Variants in C12orf42 observed in about 807,000 individuals in gnomAD.
The protein encoded by C12orf42 is chromosome 12 open reading frame 42.
C12orf42 carries 25 observed loss-of-function variants against 21.6 expected under a neutral mutation model. The ratio of observed to expected loss-of-function variants is 1.16; its 90% confidence interval spans 0.84 to 1.62. The LOEUF (loss-of-function observed/expected upper bound fraction) is 1.62, where lower values mean the gene tolerates loss of function less well. Ranked by LOEUF, C12orf42 falls within the 40% of genes most tolerant of loss-of-function variation. The pLI, the probability that C12orf42 is intolerant of heterozygous loss-of-function variation, is 0.00. For synonymous variants in C12orf42, 174 were observed against 175.0 expected, an observed-to-expected ratio of 0.99 and a Z score of 0.05; for missense variants, 483 against 459.3, an observed-to-expected ratio of 1.05 and a Z score of -0.47.
the C12orf42 span, among the ~76,000 whole-genome samples, chr12:103,215,202 A>G: frequency 6.6e-6 from 1 of 152,136 alleles, no homozygotes; most frequent in African/African-American, 2.4e-5. Flanking sequence ...GTTTTATTAT[A>G]TTAATACTAA....
chr12:103,498,901 G>A (rs961503015), upstream of C12orf42, among the ~76,000 whole-genome samples: 2 of 151,962 alleles, frequency 1.3e-5, no homozygotes, highest in Non-Finnish European at 2.9e-5. Flanking sequence ...GAGGGCATTA[G>A]GAAAAATAGC....
the C12orf42 span, among the ~76,000 whole-genome samples, chr12:103,522,140 G>A: frequency 3.2e-4 from 48 of 152,074 alleles, no homozygotes; most frequent in African/African-American, 4.8e-4. Context: ...TTGAATCATG[G>A]GGGCTGTTTC....
At chr12:103,264,467 T>G (rs1234285547), downstream of C12orf42, among the ~76,000 whole-genome samples, 2 of 152,246 alleles carry the variant, frequency 1.3e-5, no homozygotes, top group East Asian at 1.9e-4. Flanking sequence ...AAGACCCCTA[T>G]GGACCTTGGC....
intron 3 of C12orf42, among the ~76,000 whole-genome samples, chr12:103,375,750 G>A (rs2045638138): frequency 6.6e-6 from 1 of 152,070 alleles, no homozygotes; most frequent in South Asian, 2.1e-4. Flanking sequence ...CCTTTCTTCT[G>A]CTTTCATTTT....
the C12orf42 span, among the ~76,000 whole-genome samples, chr12:103,516,029 AC>A: frequency 1.3e-5 from 2 of 152,198 alleles, no homozygotes; most frequent in Non-Finnish European, 2.9e-5. Flanking sequence ...TATAGATAGT[AC>A]TTGGAAGTTT....
chr12:103,479,679 C>A (rs908634859), intron 1 of C12orf42, among the ~76,000 whole-genome samples: 1 of 151,900 alleles, frequency 6.6e-6, no homozygotes, highest in African/African-American at 2.4e-5. Flanking sequence ...TTAACTATCT[C>A]CTCTGCAGCT....
At chr12:103,173,342 A>G in the C12orf42 span, among the ~76,000 whole-genome samples, 6 of 152,126 alleles carry the variant, frequency 3.9e-5, no homozygotes, top group Non-Finnish European at 7.4e-5. Context: ...TGAACACCCA[A>G]TTCCCTATTT....
intron 3 of C12orf42, 68 bp downstream of exon 3, chr12:103,401,539 G>C: frequency 2.3e-6 from 3 of 1,316,802 alleles, no homozygotes; most frequent in Non-Finnish European, 3.2e-6. Context: ...CTGCTTACAT[G>C]TAAAGCAACT....
the C12orf42 span, chr12:103,559,680 G>T: frequency 6.6e-6 from 1 of 152,192 alleles, no homozygotes; most frequent in African/African-American, 2.4e-5. Context: ...GTGACACTAG[G>T]TGTCCACATT....
the C12orf42 span, chr12:103,167,908 G>C: frequency 1.8e-5 from 5 of 271,482 alleles, no homozygotes; most frequent in African/African-American, 1.4e-4. Context: ...GTGTGTGTGT[G>C]TGTGTTTGTG....
downstream of C12orf42, among the ~76,000 whole-genome samples, chr12:103,234,369 A>G (rs2033404799): frequency 6.6e-6 from 1 of 152,100 alleles, no homozygotes. Flanking sequence ...TGTGATTGTT[A>G]TTCTAAAGAG....
chr12:103,061,853 T>A, the C12orf42 span, among the ~76,000 whole-genome samples: 1 of 152,012 alleles, frequency 6.6e-6, no homozygotes, highest in East Asian at 1.9e-4. Context: ...TATTTACTTA[T>A]ATTGTTGATT....
the C12orf42 span, among the ~76,000 whole-genome samples, chr12:103,225,737 T>A: frequency 2.0e-5 from 3 of 152,134 alleles, no homozygotes; most frequent in Non-Finnish European, 4.4e-5. Context: ...TGGGGAGTTT[T>A]AAGAGGTTTA....
intron 1 of C12orf42, among the ~76,000 whole-genome samples, chr12:103,487,737 G>A (rs1954930041): frequency 1.3e-5 from 2 of 152,004 alleles, no homozygotes; most frequent in African/African-American, 4.8e-5. Context: ...TTTGATCTTT[G>A]TTGGTTTAAA....
the C12orf42 span, among the ~76,000 whole-genome samples, chr12:103,107,097 T>C: frequency 1.3e-5 from 2 of 151,956 alleles, no homozygotes; most frequent in Non-Finnish European, 2.9e-5. Flanking sequence ...CTAAATCATA[T>C]AGACTCTACT....
At chr12:103,048,112 G>A in the C12orf42 span, among the ~76,000 whole-genome samples, 1 of 151,976 alleles carries the variant, frequency 6.6e-6, no homozygotes, top group Admixed American at 6.6e-5. Context: ...AGGATGTGCA[G>A]GAAGGCAAAG....
chr12:103,496,952 T>TA (rs150796449), upstream of C12orf42, among the ~76,000 whole-genome samples: 22 of 149,880 alleles, frequency 1.5e-4, no homozygotes, highest in South Asian at 4.2e-4. Flanking sequence ...TTTATTTCTT[T>TA]AAAAAAAAAA....
chr12:103,205,181 A>C, the C12orf42 span, among the ~76,000 whole-genome samples: 1 of 152,212 alleles, frequency 6.6e-6, no homozygotes, highest in Non-Finnish European at 1.5e-5. Context: ...TATTCGTTGG[A>C]AAATAAGCTG....
At chr12:103,067,128 G>A in the C12orf42 span, among the ~76,000 whole-genome samples, 1 of 152,184 alleles carries the variant, frequency 6.6e-6, no homozygotes, top group African/African-American at 2.4e-5. Flanking sequence ...CCTGATGGCA[G>A]GTTGATTATA....
Sources: gnomAD v4.1 joint callset for allele counts (sites outside exome capture counted in the v4.1 genomes callset) on GRCh38, gnomAD v4.1.1 for gene constraint, MANE v1.5 for transcripts, NCBI Gene and HGNC (gene_info 2026-07-23, HGNC 2026-07-21) for gene names.